Variants in PPFIA2 observed in about 807,000 individuals in gnomAD.
PPFIA2 encodes liprin-alpha-2.
PPFIA2 carries 46 observed loss-of-function variants against 175.5 expected under a neutral mutation model. That is an observed-to-expected ratio of 0.26 (90% CI 0.21 to 0.34). The LOEUF (loss-of-function observed/expected upper bound fraction) is 0.34, where lower values mean the gene tolerates loss of function less well. Ranked by LOEUF, PPFIA2 falls within the 10% of genes least tolerant of loss-of-function variation. The probability of loss-of-function intolerance (pLI) is 1.00; values close to 1 mark genes in which losing one functional copy is unlikely to be tolerated. For synonymous variants in PPFIA2, 568 were observed against 511.4 expected (o/e 1.11, Z -1.49); for missense variants, 1,179 against 1,506.1 (o/e 0.78, Z 3.60).
intron 4 of PPFIA2, among the ~76,000 whole-genome samples, chr12:81,535,675 T>A (rs1029403325): frequency 6.6e-6 from 1 of 151,474 alleles, no homozygotes; most frequent in Non-Finnish European, 1.5e-5. Flanking sequence ...TGAGAGTGTT[T>A]CAAACTAAAA....
intron 1 of PPFIA2, 198 bp downstream of exon 1, chr12:81,759,082 T>A (rs1188658017): frequency 6.6e-6 from 1 of 152,092 alleles, no homozygotes; most frequent in African/African-American, 2.4e-5. Flanking sequence ...CCAGCCTGTT[T>A]CCGCGCGCTC....
chr12:81,673,033 G>C (rs1287872576), intron 4 of PPFIA2, among the ~76,000 whole-genome samples: 1 of 152,014 alleles, frequency 6.6e-6, no homozygotes, highest in Non-Finnish European at 1.5e-5. Context: ...GCTTGAGTCT[G>C]TTATCACTAA....
At chr12:81,349,296 C>T (rs1459559804) in intron 17 of PPFIA2, among the ~76,000 whole-genome samples, 1 of 152,138 alleles carries the variant, frequency 6.6e-6, no homozygotes, top group East Asian at 1.9e-4. Flanking sequence ...GTTTAAAAAT[C>T]TTACAAAGTA....
At chr12:81,702,727 T>C (rs2076641168) in intron 3 of PPFIA2, among the ~76,000 whole-genome samples, 1 of 152,130 alleles carries the variant, frequency 6.6e-6, no homozygotes, top group Non-Finnish European at 1.5e-5. Flanking sequence ...AAAATTCATA[T>C]TTTGAACCCC....
At chr12:81,534,798 G>A (rs2065142368) in intron 4 of PPFIA2, among the ~76,000 whole-genome samples, 1 of 151,682 alleles carries the variant, frequency 6.6e-6, no homozygotes, top group Admixed American at 6.6e-5. Flanking sequence ...GTAGAGGAGG[G>A]AAGCAAGAAG....
chr12:81,259,054 C>T lies in PPFIA2; in HGVS notation c.*640G>A, dbSNP rs1019762259. Reference sequence around the variant, plus strand: ...TGCCTTTAAAGCTCTATTTTTGGCTCCGGTTCCAGGTTAAATCATTCTTTT... The same window carrying T: ...TGCCTTTAAAGCTCTATTTTTGGCTTCGGTTCCAGGTTAAATCATTCTTTT... On this transcript the variant is annotated 3_prime_UTR_variant, in exon 33 of 33. Coordinates refer to ENST00000549396, the MANE Select transcript of PPFIA2 (RefSeq NM_003625.5). 1 of 162,064 alleles carries T rather than the reference C, an allele frequency of 6.2e-6. No homozygotes were observed. The highest frequency in any genetic ancestry group is 2.4e-5 in the African/African-American group (1 of 41,406). 10.0% of individuals were successfully genotyped at this position (162,064 alleles called of 1,614,324 possible).
At chr12:81,651,415 A>C (rs953874244) in intron 4 of PPFIA2, among the ~76,000 whole-genome samples, 1 of 152,152 alleles carries the variant, frequency 6.6e-6, no homozygotes. Flanking sequence ...TTTCAAAAAA[A>C]TTTGAGTAAA....
At chr12:81,405,415 C>T (rs988954939) in intron 8 of PPFIA2, among the ~76,000 whole-genome samples, 1 of 151,716 alleles carries the variant, frequency 6.6e-6, no homozygotes, top group Non-Finnish European at 1.5e-5. Flanking sequence ...ATAGTCCTGC[C>T]TATATATGTA....
chr12:81,295,075 T>G, intron 23 of PPFIA2, 40 bp from the exon 24 acceptor site: 1 of 1,547,122 alleles, frequency 6.5e-7, no homozygotes, highest in Non-Finnish European at 8.8e-7. Flanking sequence ...ATTATAATAA[T>G]AGTTATCATT....
At chr12:81,726,891 C>T (rs2080158809) in intron 3 of PPFIA2, among the ~76,000 whole-genome samples, 1 of 151,258 alleles carries the variant, frequency 6.6e-6, no homozygotes, top group Non-Finnish European at 1.5e-5. Context: ...AATGACCTGC[C>T]AATTGCTCTT....
At chr12:81,469,013 T>C (rs1280954807) in intron 4 of PPFIA2, among the ~76,000 whole-genome samples, 3 of 152,292 alleles carry the variant, frequency 2.0e-5, no homozygotes, top group Non-Finnish European at 2.9e-5. Context: ...CTAAGAATTG[T>C]AGTTGTCTGG....
At chr12:81,587,976 T>A (rs1206519594) in intron 4 of PPFIA2, among the ~76,000 whole-genome samples, 1 of 152,046 alleles carries the variant, frequency 6.6e-6, no homozygotes, top group Non-Finnish European at 1.5e-5. Context: ...ACAGGCATTA[T>A]GCTAGGTGTC....
At chr12:81,394,130 C>T (rs1254221774) in intron 8 of PPFIA2, among the ~76,000 whole-genome samples, 1 of 152,000 alleles carries the variant, frequency 6.6e-6, no homozygotes, top group Non-Finnish European at 1.5e-5. Context: ...GTTATCTTTT[C>T]ATGAATTGTA....
At chr12:81,553,459 G>A (rs2068291104) in intron 4 of PPFIA2, among the ~76,000 whole-genome samples, 1 of 152,006 alleles carries the variant, frequency 6.6e-6, no homozygotes, top group Admixed American at 6.6e-5. Context: ...AATCTTAGCA[G>A]GCCCTGTGAG....
At chr12:81,283,573 TA>T (rs1217248950) in intron 25 of PPFIA2, among the ~76,000 whole-genome samples, 1 of 152,084 alleles carries the variant, frequency 6.6e-6, no homozygotes, top group African/African-American at 2.4e-5. Flanking sequence ...TTTTTATCCT[TA>T]ACAAACTTGT....
At chr12:81,638,471 G>A (rs966476670) in intron 4 of PPFIA2, among the ~76,000 whole-genome samples, 1 of 151,856 alleles carries the variant, frequency 6.6e-6, no homozygotes. Flanking sequence ...GCTACAAAGA[G>A]AGCCATAAGT....
chr12:81,617,578 T>C (rs1021024933), intron 4 of PPFIA2, among the ~76,000 whole-genome samples: 2 of 152,178 alleles, frequency 1.3e-5, no homozygotes, highest in African/African-American at 2.4e-5. Context: ...AATCCTCCAA[T>C]AGTTTCCTGT....
intron 4 of PPFIA2, among the ~76,000 whole-genome samples, chr12:81,468,424 C>G (rs2056132084): frequency 6.6e-6 from 1 of 152,156 alleles, no homozygotes; most frequent in Non-Finnish European, 1.5e-5. Flanking sequence ...ACCAAAAACT[C>G]TTTTGGCAGG....
chr12:81,444,112 C>T (rs1483081077), intron 6 of PPFIA2, among the ~76,000 whole-genome samples: 1 of 151,940 alleles, frequency 6.6e-6, no homozygotes, highest in African/African-American at 2.4e-5. Flanking sequence ...CCTCGGCCTC[C>T]CAAAGTGCTG....
Sources: gnomAD v4.1 joint callset for allele counts (sites outside exome capture counted in the v4.1 genomes callset) on GRCh38, gnomAD v4.1.1 for gene constraint, MANE v1.5 for transcripts, NCBI Gene and HGNC (gene_info 2026-07-23, HGNC 2026-07-21) for gene names.